Variants in NFATC1 observed in about 807,000 individuals in gnomAD.
NFATC1 encodes the protein nuclear factor of activated T-cells, cytoplasmic 1.
In NFATC1, 22 loss-of-function variants were observed where a neutral mutation model predicts 76.0. That is an observed-to-expected ratio of 0.29 (90% CI 0.21 to 0.41). The LOEUF (loss-of-function observed/expected upper bound fraction) is 0.41, where lower values mean the gene tolerates loss of function less well. Among genes scored for constraint, NFATC1 ranks in the 10% least tolerant of loss-of-function variants. The probability of loss-of-function intolerance (pLI) is 1.00; values close to 1 mark genes in which losing one functional copy is unlikely to be tolerated. For synonymous variants in NFATC1, 704 were observed against 613.1 expected (o/e 1.15, Z -2.19); for missense variants, 1,357 against 1,337.7 (o/e 1.01, Z -0.23).
intron 9 of NFATC1, among the ~76,000 whole-genome samples, chr18:79,507,590 C>T (rs931669897): frequency 5.3e-5 from 8 of 152,250 alleles, no homozygotes; most frequent in African/African-American, 1.9e-4. Flanking sequence ...GATGTCCTCC[C>T]TGGCAGTGTC....
At chr18:79,443,419 G>A (rs1345544112) in intron 3 of NFATC1, among the ~76,000 whole-genome samples, 2 of 152,214 alleles carry the variant, frequency 1.3e-5, no homozygotes, top group Non-Finnish European at 2.9e-5. Flanking sequence ...TGAGGGCAGC[G>A]CCCACTACTC....
chr18:79,400,255 CG>C (rs1357667621), intron 1 of NFATC1: 2 of 1,030,286 alleles, frequency 1.9e-6, no homozygotes, highest in East Asian at 4.6e-5. Context: ...GGAAACGCCC[CG>C]GGGGGCGGGG....
At chr18:79,409,373 T>C (rs1386330662) in intron 1 of NFATC1, among the ~76,000 whole-genome samples, 1 of 151,350 alleles carries the variant, frequency 6.6e-6, no homozygotes, top group African/African-American at 2.4e-5. Flanking sequence ...CATCCATCCA[T>C]CCATCATCCA....
chr18:79,413,601 A>G (rs2085772774), intron 2 of NFATC1, among the ~76,000 whole-genome samples: 1 of 152,192 alleles, frequency 6.6e-6, no homozygotes, highest in African/African-American at 2.4e-5. Flanking sequence ...ACACAGCCCC[A>G]CGCTGGGCAG....
intron 8 of NFATC1, among the ~76,000 whole-genome samples, chr18:79,479,625 TTC>T (rs1445805883): frequency 3.3e-5 from 5 of 152,266 alleles, no homozygotes; most frequent in African/African-American, 9.6e-5. Flanking sequence ...ACTTTCCAGC[TTC>T]TCTCTGTATT....
chr18:79,510,610 G>A (rs138370914), intron 9 of NFATC1, among the ~76,000 whole-genome samples: 1 of 152,334 alleles, frequency 6.6e-6, no homozygotes, highest in Non-Finnish European at 1.5e-5. Flanking sequence ...TGTGGGAAAC[G>A]CAGTGTCATG....
intron 9 of NFATC1, 152 bp downstream of exon 9, chr18:79,487,089 C>G: frequency 1.1e-6 from 1 of 916,884 alleles, no homozygotes; most frequent in South Asian, 1.9e-5. Flanking sequence ...ATATAAAGTG[C>G]CCGTGCGGTG....
chr18:79,398,180 C>T (rs996035977), intron 1 of NFATC1, among the ~76,000 whole-genome samples: 1 of 152,192 alleles, frequency 6.6e-6, no homozygotes, highest in Admixed American at 6.5e-5. Context: ...CTGAAGGCCC[C>T]GGGCTTGCTT....
intron 2 of NFATC1, among the ~76,000 whole-genome samples, chr18:79,426,780 C>A (rs866218518): frequency 3.9e-5 from 6 of 152,244 alleles, no homozygotes; most frequent in African/African-American, 1.2e-4. Flanking sequence ...TGCAGATTCG[C>A]GGGAAGCTGG....
intron 2 of NFATC1, among the ~76,000 whole-genome samples, chr18:79,414,669 G>A (rs892569814): frequency 3.9e-5 from 6 of 152,168 alleles, no homozygotes; most frequent in Admixed American, 3.9e-4. Flanking sequence ...AAAGCTTGGG[G>A]GGACTGGCAC....
In NFATC1 at chr18:79,486,538, G is replaced by A. The variant is rs56191735; in HGVS notation, c.2383G>A (p.Gly795Arg). 5,994 of 1,597,574 alleles carry A rather than the reference G, an allele frequency of 3.8e-3. 18 individuals carry two copies. Among genetic ancestry groups the A allele is most frequent in the Non-Finnish European group, 4.3e-3 (5,071 of 1,177,264 alleles). The change falls in exon 9 of 10, where the codon GGA (glycine) becomes AGA (arginine). Residue 795 changes from glycine to arginine, a missense_variant. Coordinates refer to ENST00000427363, the MANE Select transcript of NFATC1 (RefSeq NM_001278669.2). ...HCHLGLPQPA[G>R]EAPAVQDVPR... ...TCACCTCGGACTCCCGCAGCCGGCC[G>A]GAGAGGCCCCCGCCGTCCAGGACGT...
At chr18:79,489,899 C>T (rs572534725) in intron 9 of NFATC1, among the ~76,000 whole-genome samples, 107 of 152,338 alleles carry the variant, frequency 7.0e-4, no homozygotes, top group African/African-American at 2.5e-3. Flanking sequence ...GGCGGTGCCG[C>T]TTCGGGGGTC....
chr18:79,486,195 A>G (rs942333520), intron 8 of NFATC1, 53 bp from the exon 9 acceptor site: 1 of 1,530,554 alleles, frequency 6.5e-7, no homozygotes. Flanking sequence ...AGCCTGCCTG[A>G]TCACACTCAT....
intron 9 of NFATC1, chr18:79,523,863 C>G (rs966977368): frequency 6.6e-6 from 1 of 152,228 alleles, no homozygotes; most frequent in Non-Finnish European, 1.5e-5. Flanking sequence ...CTCACCACAT[C>G]CTGTTGCGGG....
rs750725995 is a variant in NFATC1, at chr18:79,411,093, G to A, written c.818G>A (p.Arg273Gln). 42 of 1,611,894 alleles carry A rather than the reference G, an allele frequency of 2.6e-5. No individual in the cohort carries two copies. The highest frequency in any genetic ancestry group is 1.1e-4 in the South Asian group (10 of 91,058). ...AAGAGGAAGTACAGCCTCAACGGCC[G>A]GCAGCCGCCCTACTCACCCCACCAC... ...CNKRKYSLNGRQPPYSPHHSP... is the reference protein window; with the variant it reads ...CNKRKYSLNGQQPPYSPHHSP... Residue 273 changes from arginine (R) to glutamine (Q), a missense_variant, in exon 2 of 10, where the codon CGG (arginine) becomes CAG (glutamine). Physicochemically the swap from Arg to Gln is conservative, Grantham distance 43. Transcript: ENST00000427363.
rs187121792 is a variant in NFATC1, at chr18:79,443,247, C to T, written c.1387-5535C>T. Among the ~76,000 whole-genome samples the T allele has an allele frequency of 5.9e-5, 9 of 152,352 alleles. No individual in the cohort carries two copies. The East Asian group carries it at 1.7e-3, about 29-fold the overall frequency. On this transcript the variant is annotated intron_variant, in intron 3 of 9. Coordinates refer to ENST00000427363, the MANE Select transcript of NFATC1 (RefSeq NM_001278669.2). ...TTGAGCTGACACTCCGTGGTGTGAA[C>T]TCAGTATTGTCAGCTTGTGCACCGC...
chr18:79,470,364 C>T (rs1377125064), intron 8 of NFATC1: 1 of 152,280 alleles, frequency 6.6e-6, no homozygotes, highest in Admixed American at 6.5e-5. Context: ...AGCTTCGGGT[C>T]TGCATGCCCG....
At chr18:79,440,382 G>T (rs2086927504) in intron 3 of NFATC1, among the ~76,000 whole-genome samples, 1 of 152,238 alleles carries the variant, frequency 6.6e-6, no homozygotes, top group Non-Finnish European at 1.5e-5. Flanking sequence ...TGGTGCAGGT[G>T]GGACAGGAGG....
chr18:79,444,482 C>T (rs1254194223), intron 3 of NFATC1, among the ~76,000 whole-genome samples: 1 of 119,348 alleles, frequency 8.4e-6, no homozygotes, highest in Non-Finnish European at 1.7e-5. Context: ...CCGCCTACCC[C>T]GAGCCCTCGC....
Sources: gnomAD v4.1 joint callset for allele counts (sites outside exome capture counted in the v4.1 genomes callset) on GRCh38, gnomAD v4.1.1 for gene constraint, MANE v1.5 for transcripts, NCBI Gene and HGNC (gene_info 2026-07-23, HGNC 2026-07-21) for gene names.